The following ROR1 variants were observed in gnomAD, a reference collection of about 807,000 sequenced individuals.
The protein encoded by ROR1 is ROR family WNT receptor 1.
ROR1 carries 19 observed loss-of-function variants against 78.8 expected under a neutral mutation model. The observed-to-expected ratio is 0.24, with a 90% CI of 0.17 to 0.35. The LOEUF is 0.35. ROR1 is among the 10% of genes least tolerant of loss of function. The probability of loss-of-function intolerance (pLI) is 1.00; values close to 1 mark genes in which losing one functional copy is unlikely to be tolerated. For missense variants in ROR1, 917 were observed against 1,177.8 expected (o/e 0.78, Z 3.24); for synonymous variants, 386 against 433.6 (o/e 0.89, Z 1.36).
intron 2 of ROR1, among the ~76,000 whole-genome samples, chr1:64,045,787 A>G (rs986557488): frequency 2.6e-5 from 4 of 152,176 alleles, no homozygotes; most frequent in East Asian, 3.8e-4. Flanking sequence ...CATTATTACT[A>G]GTATTAGCAC....
chr1:63,774,606 GCT>G lies in ROR1; in HGVS notation c.91+99_91+100del. 1.6e-6 allele frequency: 1 copy of G among 625,444 alleles called. No homozygotes were observed. The highest frequency in any genetic ancestry group is 2.0e-6 in the Non-Finnish European group (1 of 499,212). The allele number at this position is 625,444 out of a possible 1,614,324, so 38.7% of individuals were successfully genotyped here. A position where few individuals can be genotyped will look rare whatever the true frequency, so the allele number is the denominator to read the frequency against. ...GCGCGGGACACGCAGGAAGCGCCGC[GCT>G]GGCTCCGGGGCGCGTCCGGCCACCC... On this transcript the variant is annotated intron_variant, in intron 1 of 8. Coordinates refer to ENST00000371079, the MANE Select transcript of ROR1 (RefSeq NM_005012.4). This position sits in a 1 kb window ranked among gnomAD's most constrained non-coding sequence, Gnocchi z 5.7.
intron 8 of ROR1, among the ~76,000 whole-genome samples, chr1:64,175,166 A>T (rs1650345545): frequency 6.6e-6 from 1 of 151,990 alleles, no homozygotes; most frequent in African/African-American, 2.4e-5. Flanking sequence ...CCATACCCCC[A>T]ATAATCACTG....
At chr1:64,010,974 G>C (rs1437433872) in intron 2 of ROR1, among the ~76,000 whole-genome samples, 1 of 152,134 alleles carries the variant, frequency 6.6e-6, no homozygotes, top group Non-Finnish European at 1.5e-5. Context: ...CTTTATAGCA[G>C]CATGAGAACA....
chr1:64,077,865 A>G (rs1260763), intron 4 of ROR1, among the ~76,000 whole-genome samples: 77,895 of 152,196 alleles, frequency 0.51, 23,307 homozygotes, highest in African/African-American at 0.83. Flanking sequence ...TCATTGCCTT[A>G]TGTTGATGCA....
At chr1:64,080,336 G>C (rs573956706) in intron 4 of ROR1, among the ~76,000 whole-genome samples, 1 of 152,114 alleles carries the variant, frequency 6.6e-6, no homozygotes, top group Non-Finnish European at 1.5e-5. Context: ...GCCCTACAGC[G>C]CACAGGACAG....
chr1:63,969,288 GT>G (rs1646100084), intron 1 of ROR1, among the ~76,000 whole-genome samples: 1 of 152,160 alleles, frequency 6.6e-6, no homozygotes, highest in South Asian at 2.1e-4. Flanking sequence ...TGCAACTCTT[GT>G]TTTCTTTGTC....
At chr1:64,166,739 T>C (rs1650098625) in intron 8 of ROR1, among the ~76,000 whole-genome samples, 1 of 152,154 alleles carries the variant, frequency 6.6e-6, no homozygotes, top group South Asian at 2.1e-4. Context: ...AGCTCTCGTA[T>C]TCCTTGTGTC....
At chr1:64,030,147 T>C (rs1646647806) in intron 2 of ROR1, among the ~76,000 whole-genome samples, 1 of 152,200 alleles carries the variant, frequency 6.6e-6, no homozygotes, top group African/African-American at 2.4e-5. Context: ...ATTTTATTGG[T>C]ACTCCATAAC....
At chr1:63,816,027 C>T (rs989110649) in intron 1 of ROR1, among the ~76,000 whole-genome samples, 2 of 152,162 alleles carry the variant, frequency 1.3e-5, no homozygotes, top group Non-Finnish European at 2.9e-5. Flanking sequence ...CAGTGACAGT[C>T]CCTTTTGGAA....
intron 2 of ROR1, among the ~76,000 whole-genome samples, chr1:64,024,169 G>A (rs1314436484): frequency 6.6e-6 from 1 of 152,106 alleles, no homozygotes; most frequent in Non-Finnish European, 1.5e-5. Context: ...ATTCTTTATA[G>A]CAGTGTGAAA....
At chr1:64,108,592 C>T (rs79701235) in intron 4 of ROR1, among the ~76,000 whole-genome samples, 20,897 of 151,848 alleles carry the variant, frequency 0.14, 1,625 homozygotes, top group African/African-American at 0.19. Flanking sequence ...GTGGGAATCA[C>T]TATGGGGCTC....
At chr1:63,887,232 G>GT (rs386354004) in intron 1 of ROR1, among the ~76,000 whole-genome samples, 3 of 149,506 alleles carry the variant, frequency 2.0e-5, no homozygotes, top group African/African-American at 2.4e-5. Flanking sequence ...GGATGGGGGG[G>GT]TTTGGGGATG....
intron 1 of ROR1, among the ~76,000 whole-genome samples, chr1:63,778,010 A>G (rs1418782125): frequency 6.6e-6 from 1 of 152,212 alleles, no homozygotes; most frequent in African/African-American, 2.4e-5. Context: ...TTCTAGTATG[A>G]AAGAAGTGTA....
intron 1 of ROR1, among the ~76,000 whole-genome samples, chr1:63,858,608 A>G (rs1645162133): frequency 6.6e-6 from 1 of 152,232 alleles, no homozygotes; most frequent in Non-Finnish European, 1.5e-5. Flanking sequence ...TTAACTTTCA[A>G]GTGTACTTTG....
At chr1:63,991,219 A>G (rs1001663310) in intron 1 of ROR1, among the ~76,000 whole-genome samples, 2 of 152,126 alleles carry the variant, frequency 1.3e-5, no homozygotes, top group Non-Finnish European at 2.9e-5. Context: ...CCAAAGTGCT[A>G]GAATTATAGA....
Position 64,049,854 on chromosome 1 carries a change from C to T in ROR1, c.327C>T (p.Ser109=). The change falls in exon 3 of 9, where the codon TCC becomes TCT. Residue 109 remains serine (S), a synonymous_variant. Transcript: ENST00000371079. ...VQEPRRLSFR[S]TIYGSRLRIR... ...AGCCCCGGAGGCTCTCCTTTCGGTC[C>T]ACCATCTATGGCTCTCGGCTGCGGA... is the stretch of plus-strand genomic sequence containing the variant. The T allele has an allele frequency of 2.5e-6, 4 of 1,614,228 alleles. No individual in the cohort carries two copies. Among genetic ancestry groups the T allele is most frequent in the Non-Finnish European group, 3.4e-6 (4 of 1,180,044 alleles).
chr1:64,117,993 G>C (rs1053682788), intron 4 of ROR1, among the ~76,000 whole-genome samples: 3 of 152,204 alleles, frequency 2.0e-5, no homozygotes, highest in Non-Finnish European at 4.4e-5. Context: ...TTGAGCCCAG[G>C]GATTTGAGAC....
At chr1:64,115,318 G>A (rs951908307) in intron 4 of ROR1, among the ~76,000 whole-genome samples, 18 of 150,618 alleles carry the variant, frequency 1.2e-4, no homozygotes, top group African/African-American at 3.9e-4. Flanking sequence ...TGAGCTCAAG[G>A]GATCCTCTTG....
intron 2 of ROR1, among the ~76,000 whole-genome samples, chr1:64,014,740 CTATA>C (rs1208813882): frequency 0.052 from 1,512 of 29,056 alleles, 270 homozygotes; most frequent in African/African-American, 0.14. Context: ...CATACGCACA[CTATA>C]TATATATATA....
Sources: gnomAD v4.1 joint callset for allele counts (sites outside exome capture counted in the v4.1 genomes callset) on GRCh38, gnomAD v4.1.1 for gene constraint, Gnocchi (gnomAD v3.1) non-coding constraint, MANE v1.5 for transcripts, NCBI Gene and HGNC (gene_info 2026-07-23, HGNC 2026-07-21) for gene names.